The following LRRC20 variants were observed in gnomAD, a reference collection of about 807,000 sequenced individuals.
LRRC20 encodes the protein leucine-rich repeat-containing protein 20.
A neutral mutation model predicts 14.4 loss-of-function variants in LRRC20; 11 were observed. The observed-to-expected ratio is 0.77, with a 90% CI of 0.48 to 1.27. The LOEUF is 1.27. Ranked by LOEUF, LRRC20 falls within the 50% of genes most tolerant of loss-of-function variation. The pLI is 0.00. For missense variants in LRRC20, 219 were observed against 251.2 expected (o/e 0.87, Z 0.87); for synonymous variants, 121 against 107.3 (o/e 1.13, Z -0.79).
intron 4 of LRRC20, among the ~76,000 whole-genome samples, chr10:70,312,917 G>A (rs1296182081): frequency 1.3e-5 from 2 of 152,154 alleles, no homozygotes; most frequent in East Asian, 1.9e-4. Flanking sequence ...ACATTTTTCT[G>A]TCCTTAAGTA....
At chr10:70,317,249 T>A (rs1841897584) in intron 4 of LRRC20, among the ~76,000 whole-genome samples, 1 of 152,192 alleles carries the variant, frequency 6.6e-6, no homozygotes, top group African/African-American at 2.4e-5. Context: ...GCAGGGGAGC[T>A]GCCACAGGTC....
rs910093527 is a variant in LRRC20, at chr10:70,300,280, T to C, written c.*1074A>G. The C allele has an allele frequency of 3.5e-6, 3 of 845,126 alleles. No individual in the cohort carries two copies. Among genetic ancestry groups the C allele is most frequent in the African/African-American group, 1.8e-5 (1 of 54,240 alleles). The allele number at this position is 845,126 out of a possible 1,614,324, so 52.4% of individuals were successfully genotyped here. On this transcript the variant is annotated 3_prime_UTR_variant, in exon 5 of 5. Transcript: ENST00000446961. ...CCAACCATCCCCACTTGCTGGGTAC[T>C]GTCCCAGTTTTAGCATTGAAAGTTC...
chr10:70,375,535 C>T (rs1487753098), intron 2 of LRRC20, among the ~76,000 whole-genome samples: 1 of 152,124 alleles, frequency 6.6e-6, no homozygotes, highest in Non-Finnish European at 1.5e-5. Context: ...GCAGTAACTA[C>T]CATGGAAGGA....
At chr10:70,339,540 G>T (rs1413337136) in intron 3 of LRRC20, among the ~76,000 whole-genome samples, 3 of 152,120 alleles carry the variant, frequency 2.0e-5, no homozygotes, top group African/African-American at 7.2e-5. Context: ...GCCCCCCTAG[G>T]CTTCCTGTGC....
intron 4 of LRRC20, among the ~76,000 whole-genome samples, chr10:70,314,235 T>C (rs1450401124): frequency 6.6e-6 from 1 of 152,002 alleles, no homozygotes; most frequent in Non-Finnish European, 1.5e-5. Flanking sequence ...CCAGTAACCA[T>C]ACCAAGAAAC....
intron 2 of LRRC20, among the ~76,000 whole-genome samples, chr10:70,358,120 G>A (rs955388847): frequency 3.9e-5 from 6 of 152,190 alleles, no homozygotes; most frequent in Admixed American, 3.9e-4. Flanking sequence ...CCAGAAACCC[G>A]GATCTGCTGC....
intron 3 of LRRC20, among the ~76,000 whole-genome samples, chr10:70,339,911 A>G (rs2137015401): frequency 6.6e-6 from 1 of 152,242 alleles, no homozygotes; most frequent in East Asian, 1.9e-4. Context: ...ACCTGAGGTC[A>G]GGAGTTTGAG....
At chr10:70,353,103 C>G (rs981282518) in intron 2 of LRRC20, among the ~76,000 whole-genome samples, 3 of 152,138 alleles carry the variant, frequency 2.0e-5, no homozygotes, top group African/African-American at 7.2e-5. Context: ...CTGCAGCCAC[C>G]ACTGATTGAC....
chr10:70,378,655 C>T (rs375550730), intron 1 of LRRC20, among the ~76,000 whole-genome samples: 32 of 151,276 alleles, frequency 2.1e-4, no homozygotes, highest in Admixed American at 2.0e-3. Flanking sequence ...GGCGTGGTGG[C>T]GGGCGCCTCG....
At chr10:70,303,214 T>C (rs1841283350) in intron 4 of LRRC20, among the ~76,000 whole-genome samples, 1 of 152,186 alleles carries the variant, frequency 6.6e-6, no homozygotes, top group Admixed American at 6.6e-5. Context: ...AGAGAGGAAG[T>C]CGCATACAGT....
At chr10:70,304,301 G>T (rs930376685) in intron 4 of LRRC20, among the ~76,000 whole-genome samples, 5 of 151,936 alleles carry the variant, frequency 3.3e-5, no homozygotes, top group Non-Finnish European at 7.4e-5. Flanking sequence ...GATAGTGATG[G>T]CAAGAGCCAG....
intron 4 of LRRC20, among the ~76,000 whole-genome samples, chr10:70,317,280 A>C (rs1465245096): frequency 6.6e-6 from 1 of 151,576 alleles, no homozygotes; most frequent in African/African-American, 2.4e-5. Flanking sequence ...AAGCAGAAGG[A>C]GGTGTAAGAG....
intron 2 of LRRC20, among the ~76,000 whole-genome samples, chr10:70,351,135 C>A (rs141928039): frequency 6.6e-6 from 1 of 151,666 alleles, no homozygotes; most frequent in Non-Finnish European, 1.5e-5. Context: ...GAGCCGAGAT[C>A]GTGCCATGGC....
chr10:70,358,323 A>G (rs77426734), intron 2 of LRRC20, among the ~76,000 whole-genome samples: 7,341 of 152,294 alleles, frequency 0.048, 225 homozygotes, highest in South Asian at 0.096. Flanking sequence ...GCGAGGGGGC[A>G]GCAGATGGAA....
At chr10:70,347,061 T>G (rs1242663956) in intron 2 of LRRC20, among the ~76,000 whole-genome samples, 1 of 152,110 alleles carries the variant, frequency 6.6e-6, no homozygotes, top group East Asian at 1.9e-4. Flanking sequence ...AATTTTTGTA[T>G]TTTTAGTAGA....
intron 1 of LRRC20, 45 bp from the exon 2 acceptor site, chr10:70,376,641 G>T: frequency 3.1e-6 from 3 of 982,494 alleles, no homozygotes; most frequent in Non-Finnish European, 4.7e-6. Context: ...GCCAGCCAGG[G>T]GCCCACCCAG....
At chr10:70,315,175 T>A (rs943538606) in intron 4 of LRRC20, among the ~76,000 whole-genome samples, 1 of 152,136 alleles carries the variant, frequency 6.6e-6, no homozygotes, top group African/African-American at 2.4e-5. Flanking sequence ...CAGCAAATGG[T>A]CACTAGTGCA....
rs1184994557 is a variant in LRRC20 at position 70,323,984 on chromosome 10, G to C, written c.279C>G (p.Val93=). Residue 93 remains valine (V), a synonymous_variant, in exon 4 of 5, where the codon GTC becomes GTG. Transcript: ENST00000446961. The part of the protein sequence containing the change: ...GNFLHRLPSE[V]SALQHLKAID... ...TGGCCTTGAGGTGCTGCAGGGCACT[G>C]ACCTCGCTGGGGAGGCGGTGTAGGA... 4.3e-6 allele frequency: 7 copies of C among 1,613,604 alleles called. No individual in the cohort carries two copies. In the African/African-American group the frequency reaches 9.3e-5, roughly 22 times the overall value.
chr10:70,309,315 A>G (rs1361364357), intron 4 of LRRC20, among the ~76,000 whole-genome samples: 2 of 152,234 alleles, frequency 1.3e-5, no homozygotes, highest in Non-Finnish European at 1.5e-5. Flanking sequence ...GCCCTATGCT[A>G]GACAGTTCCT....
Sources: allele counts gnomAD v4.1 joint callset (sites outside exome capture counted in the v4.1 genomes callset), GRCh38; gene constraint gnomAD v4.1.1; transcripts MANE v1.5; gene names NCBI Gene and HGNC (gene_info 2026-07-23, HGNC 2026-07-21).